Variants in MPP1 observed in about 807,000 individuals in gnomAD.
The protein encoded by MPP1 is 55 kDa erythrocyte membrane protein.
Under a neutral mutation model 38.2 loss-of-function variants are expected in MPP1, and 6 were observed. The observed-to-expected ratio is 0.16, with a 90% CI of 0.09 to 0.31. The LOEUF (loss-of-function observed/expected upper bound fraction) is 0.31, where lower values mean the gene tolerates loss of function less well. MPP1 is among the 10% of genes least tolerant of loss of function. MPP1 has a pLI of 1.00. For missense variants in MPP1, 293 were observed against 368.9 expected (o/e 0.79, Z 1.69); for synonymous variants, 153 against 146.3 (o/e 1.05, Z -0.33).
chrX:154,784,707 C>G (rs2072048223), intron 7 of MPP1: 1 of 300,670 alleles, frequency 3.3e-6, no homozygotes, highest in South Asian at 3.5e-5. Flanking sequence ...ATTTAAAACG[C>G]TAGGGAGGGT....
At chrX:154,799,052 C>G (rs1402920405) in intron 1 of MPP1, among the ~76,000 whole-genome samples, 2 of 111,841 alleles carry the variant, frequency 1.8e-5, no homozygotes, top group Non-Finnish European at 3.8e-5. Context: ...TTCTTCTTAT[C>G]CAGCTTTATT....
At position 154,783,541 on chromosome X, in the gene MPP1, G is replaced by A. The variant is rs146037277; in HGVS notation, c.866-34C>T. The A allele has an allele frequency of 2.2e-5, 25 of 1,111,482 alleles. 1 individual carries two copies. Among genetic ancestry groups the A allele is most frequent in the Non-Finnish European group, 2.8e-5 (23 of 811,680 alleles). 91.6% of individuals were successfully genotyped at this position (1,111,482 alleles called of 1,213,427 possible). ...AGAGAGAAGAACATCTTTTGGAAAGGGGGGAGAGGAGCGAGGATAAGATAC... is the reference window on the plus strand; with the variant it reads ...AGAGAGAAGAACATCTTTTGGAAAGAGGGGAGAGGAGCGAGGATAAGATAC... On this transcript the variant is annotated intron_variant, in intron 8 of 11. Coordinates refer to ENST00000369534, the MANE Select transcript of MPP1 (RefSeq NM_002436.4).
intron 9 of MPP1, 200 bp from the exon 10 acceptor site, chrX:154,782,002 T>C (rs1252569349): frequency 2.8e-6 from 1 of 358,231 alleles, no homozygotes; most frequent in Admixed American, 4.9e-5. Flanking sequence ...CCAGGACACA[T>C]TTAATTTTTA....
At chrX:154,804,443 C>T (rs1308161389) in intron 1 of MPP1, among the ~76,000 whole-genome samples, 3 of 111,266 alleles carry the variant, frequency 2.7e-5, no homozygotes, top group Non-Finnish European at 5.7e-5. Context: ...TCTCTCTGGA[C>T]ATTTTCCCCT....
At chrX:154,802,222 C>A (rs148441061) in intron 1 of MPP1, among the ~76,000 whole-genome samples, 1 of 112,524 alleles carries the variant, frequency 8.9e-6, no homozygotes, top group Admixed American at 9.3e-5. Flanking sequence ...TGCTCCACAG[C>A]GCTCCACAGC....
Position 154,781,168 on chromosome X carries a change from C to A in MPP1, c.1224+71G>T, listed in dbSNP as rs2071988817. 4 of 964,852 alleles carry A rather than the reference C, an allele frequency of 4.1e-6. No homozygotes were observed. In the South Asian group the frequency reaches 8.3e-5, roughly 20 times the overall value. 79.5% of individuals were successfully genotyped at this position (964,852 alleles called of 1,213,427 possible). A position where few individuals can be genotyped will look rare whatever the true frequency, so the allele number is the denominator to read the frequency against. On this transcript the variant is annotated intron_variant, in intron 11 of 11. Coordinates refer to ENST00000369534, the MANE Select transcript of MPP1 (RefSeq NM_002436.4). ...CTCCAGCCAGCACTCTGGCCAATGA[C>A]CTGGACTGAGGTCCCAGTATGGGCA...
chrX:154,787,146 A>G (rs113914409), intron 5 of MPP1, among the ~76,000 whole-genome samples: 67 of 84,017 alleles, frequency 8.0e-4, no homozygotes, highest in Non-Finnish European at 1.4e-3. Context: ...ACACACACAC[A>G]CCTACCTCAT....
In MPP1 at chrX:154,799,660, C is replaced by T. The variant is rs1557268449; in HGVS notation, c.102+5612G>A. 2.9e-6 allele frequency: 3 copies of T among 1,046,900 alleles called. No individual in the cohort carries two copies. The African/African-American group carries it at 5.6e-5, about 20-fold the overall frequency. The allele number at this position is 1,046,900 out of a possible 1,213,427, so 86.3% of individuals were successfully genotyped here. The stretch of plus-strand genomic sequence containing the variant: ...GCCACAGAGCTATGGCAGGCCTGCC[C>T]CTGACCAGTGACAAGGCAGGGCGGA... On this transcript the variant is annotated intron_variant, in intron 1 of 11. Coordinates refer to ENST00000369534, the MANE Select transcript of MPP1 (RefSeq NM_002436.4).
Position 154,791,055 on chromosome X carries a change from C to T in MPP1, c.339G>A (p.Val113=). The T allele has an allele frequency of 1.7e-6, 2 of 1,209,137 alleles. No homozygotes were observed. Among genetic ancestry groups the T allele is most frequent in the South Asian group, 1.8e-5 (1 of 56,559 alleles). The change falls in exon 4 of 12, where the codon GTG becomes GTA. Residue 113 remains valine (V), a synonymous_variant. Transcript: ENST00000369534. ...CATTGATTTCTAGGATCTCATCCCC[C>T]ACGTGAAGGGAGCCTGCCATGAAAT... is the stretch of plus-strand genomic sequence containing the variant. ...GMIHRQGSLH[V]GDEILEINGT...
intron 1 of MPP1, among the ~76,000 whole-genome samples, chrX:154,801,769 AAAAAAAAAAAAAAAAAAC>A (rs1476349759): frequency 4.3e-4 from 36 of 84,272 alleles, no homozygotes; most frequent in East Asian, 3.8e-3. Flanking sequence ...AAAAAAAAAA[AAAAAAAAAAAAAAAAAAC>A]AAAAAACAGA....
rs1557266837 is a variant in MPP1 at position 154,783,410 on chromosome X, G to A, written c.946+17C>T. 1.3e-5 allele frequency: 16 copies of A among 1,189,359 alleles called. No individual in the cohort carries two copies. Among genetic ancestry groups the A allele is most frequent in the Non-Finnish European group, 8.0e-6 (7 of 877,753 alleles). On this transcript the variant is annotated intron_variant, in intron 9 of 11. Coordinates refer to ENST00000369534, the MANE Select transcript of MPP1 (RefSeq NM_002436.4). Reference sequence around the variant, plus strand: ...CAGCCTGTCACCTCCCCTCCAAGGTGCCTAAGAGCTACTTACATGGGACAG... The same window carrying A: ...CAGCCTGTCACCTCCCCTCCAAGGTACCTAAGAGCTACTTACATGGGACAG...
At position 154,801,767 on chromosome X, in the gene MPP1, AAAAAAAAAAAAAAAAAAAAC is replaced by A. The variant is rs1363382928; in HGVS notation, c.102+3485_102+3504del. Among the ~76,000 whole-genome samples, 19 of 82,242 alleles carry A rather than the reference AAAAAAAAAAAAAAAAAAAAC, an allele frequency of 2.3e-4. 1 individual carries two copies. In the South Asian group the frequency reaches 3.2e-3, roughly 14 times the overall value. The allele number at this position is 82,242 out of a possible 115,157, so 71.4% of individuals were successfully genotyped here. ...GAGCAAAACTCTGTCTCAAAAAAAA[AAAAAAAAAAAAAAAAAAAAC>A]AAAAAACAGAAAAAAGTCATGAAGT... On this transcript the variant is annotated intron_variant, in intron 1 of 11. Transcript: ENST00000369534.
At position 154,785,035 on chromosome X, in the gene MPP1, G is replaced by T; in HGVS notation, c.784+16C>A. ...TGCTGCCAGGAACCTGGGGCAAGAA[G>T]GCTCAGAAAGCTTACTCGAGCTGTG... On this transcript the variant is annotated intron_variant, in intron 7 of 11. Transcript: ENST00000369534. 8.3e-7 allele frequency: 1 copy of T among 1,198,365 alleles called. No homozygotes were observed. Among genetic ancestry groups the T allele is most frequent in the Non-Finnish European group, 1.1e-6 (1 of 883,473 alleles).
chrX:154,784,231 A>G (rs1275762612), intron 7 of MPP1, 123 bp from the exon 8 acceptor site: 2 of 541,627 alleles, frequency 3.7e-6, no homozygotes, highest in Non-Finnish European at 6.3e-6. Flanking sequence ...ACTAGAGATG[A>G]GACGAGGGAG....
intron 1 of MPP1, chrX:154,804,740 G>T: frequency 5.8e-6 from 2 of 342,688 alleles, no homozygotes; most frequent in Non-Finnish European, 1.2e-5. Flanking sequence ...CTATTTACCA[G>T]CCATCCATCC....
rs782746031 is a variant in MPP1 at position 154,802,524 on chromosome X, T to G, written c.102+2748A>C. On this transcript the variant is annotated intron_variant, in intron 1 of 11. Coordinates refer to ENST00000369534, the MANE Select transcript of MPP1 (RefSeq NM_002436.4). Reference sequence around the variant, plus strand: ...ATTCTCAACCAATTGCTTCAGGTCCTGGGGAAAGTGTTGCTTCAAACAGGC... The same window carrying G: ...ATTCTCAACCAATTGCTTCAGGTCCGGGGGAAAGTGTTGCTTCAAACAGGC... Among the ~76,000 whole-genome samples, 4 of 111,703 alleles carry G rather than the reference T, an allele frequency of 3.6e-5. No homozygotes were observed. The South Asian group carries it at 1.5e-3, about 42-fold the overall frequency.
chrX:154,779,910 G>A (rs1181325396), intron 11 of MPP1, among the ~76,000 whole-genome samples: 1 of 112,745 alleles, frequency 8.9e-6, no homozygotes, highest in Non-Finnish European at 1.9e-5. Context: ...GTAGAGACAG[G>A]GTTTTGCCAT....
At chrX:154,799,202 G>A (rs980661425) in intron 1 of MPP1, among the ~76,000 whole-genome samples, 4 of 112,286 alleles carry the variant, frequency 3.6e-5, no homozygotes, top group Admixed American at 9.4e-5. Flanking sequence ...CCAACAAGAC[G>A]TTCCTCTTTA....
chrX:154,805,217 AGATGAATGGCC>A, intron 1 of MPP1, 44 bp downstream of exon 1: 1 of 1,097,775 alleles, frequency 9.1e-7, no homozygotes, highest in Non-Finnish European at 1.2e-6. Flanking sequence ...GAAAGTCCCG[AGATGAATGGCC>A]GAGCCCCGGC....
Sources: allele counts gnomAD v4.1 joint callset (sites outside exome capture counted in the v4.1 genomes callset), GRCh38; gene constraint gnomAD v4.1.1; transcripts MANE v1.5; gene names NCBI Gene and HGNC (gene_info 2026-07-23, HGNC 2026-07-21).